Variants in OXR1 observed in about 807,000 individuals in gnomAD.
OXR1 encodes the protein oxidation resistance 1.
OXR1 carries 41 observed loss-of-function variants against 104.6 expected under a neutral mutation model. That is an observed-to-expected ratio of 0.39 (90% CI 0.31 to 0.51). The LOEUF is 0.51. Among genes scored for constraint, OXR1 ranks in the 20% least tolerant of loss-of-function variants. OXR1 has a pLI of 0.77. For missense variants in OXR1, 955 were observed against 1,031.9 expected (o/e 0.93, Z 1.02); for synonymous variants, 348 against 348.4 (o/e 1.00, Z 0.01).
intron 3 of OXR1, chr8:106,657,754 A>T: frequency 1.0e-6 from 1 of 1,003,152 alleles, no homozygotes; most frequent in Non-Finnish European, 1.3e-6. Flanking sequence ...GCCACAAGAA[A>T]AACTTTTCGA....
At chr8:106,676,251 G>C (rs1827578500) in intron 3 of OXR1, among the ~76,000 whole-genome samples, 2 of 151,892 alleles carry the variant, frequency 1.3e-5, no homozygotes, top group Non-Finnish European at 1.5e-5. Flanking sequence ...CAATGTTCTT[G>C]GTGTCTTATC....
chr8:106,618,078 A>G, intron 3 of OXR1: 1 of 1,535,570 alleles, frequency 6.5e-7, no homozygotes, highest in Middle Eastern at 1.7e-4. Flanking sequence ...TATTACCCTG[A>G]GAAGCACAGG....
chr8:106,601,178 T>G lies in OXR1; in HGVS notation c.221-78032T>G, dbSNP rs867332856. On this transcript the variant is annotated intron_variant, in intron 3 of 16. Transcript: ENST00000517566. Reference sequence around the variant, plus strand: ...ACTAACATATATTCAGTGTAGAAATTTGAGAAAATACCCAAAAAAGTTAAA... The same window carrying G: ...ACTAACATATATTCAGTGTAGAAATGTGAGAAAATACCCAAAAAAGTTAAA... Among the ~76,000 whole-genome samples the G allele has an allele frequency of 5.3e-5, 8 of 152,194 alleles. No homozygotes were observed. In the South Asian group the frequency reaches 1.5e-3, roughly 28 times the overall value.
At chr8:106,620,468 T>C (rs917017884) in intron 3 of OXR1, among the ~76,000 whole-genome samples, 4 of 152,204 alleles carry the variant, frequency 2.6e-5, no homozygotes, top group Admixed American at 2.0e-4. Context: ...TCTTCTTTTT[T>C]CCTTACGTGG....
intron 2 of OXR1, among the ~76,000 whole-genome samples, chr8:106,480,206 G>T (rs1354115941): frequency 6.6e-6 from 1 of 152,012 alleles, no homozygotes; most frequent in Admixed American, 6.6e-5. Context: ...AACCTTGAAA[G>T]ATCAACTGAT....
Position 106,706,739 on chromosome 8 carries a change from G to A in OXR1, c.1218G>A (p.Gly406=), listed in dbSNP as rs760895839. The change falls in exon 9 of 17, where the codon GGG becomes GGA. Residue 406 remains glycine, a synonymous_variant. Transcript: ENST00000517566. ...CTGAACATTCTACAAATGAAGTTGGGACTTTATGTCATAAAACTGATTTAA... is the reference window on the plus strand; with the variant it reads ...CTGAACATTCTACAAATGAAGTTGGAACTTTATGTCATAAAACTGATTTAA... ...SDTEHSTNEV[G]TLCHKTDLNN... 6.2e-6 allele frequency: 10 copies of A among 1,611,770 alleles called. No individual in the cohort carries two copies. The highest frequency in any genetic ancestry group is 8.5e-6 in the Non-Finnish European group (10 of 1,179,432).
intron 3 of OXR1, among the ~76,000 whole-genome samples, chr8:106,637,173 G>A (rs941827713): frequency 1.3e-5 from 2 of 152,096 alleles, no homozygotes; most frequent in African/African-American, 2.4e-5. Context: ...AAAATAATTT[G>A]TTGTTTCTCC....
chr8:106,536,505 G>T (rs1814550186), intron 3 of OXR1, among the ~76,000 whole-genome samples: 1 of 151,870 alleles, frequency 6.6e-6, no homozygotes, highest in South Asian at 2.1e-4. Context: ...GTTGCCAAAG[G>T]GAAATTGCTA....
intron 2 of OXR1, among the ~76,000 whole-genome samples, chr8:106,392,490 G>A (rs1817623136): frequency 6.6e-6 from 1 of 152,118 alleles, no homozygotes. Context: ...GGTCACAGAG[G>A]TAGAGACATG....
At chr8:106,376,322 A>G (rs1304073539) in intron 2 of OXR1, among the ~76,000 whole-genome samples, 1 of 152,152 alleles carries the variant, frequency 6.6e-6, no homozygotes. Flanking sequence ...TGCCCTTTCT[A>G]ACTGTCCCTT....
At chr8:106,470,698 A>T (rs1389276766) in intron 2 of OXR1, among the ~76,000 whole-genome samples, 1 of 151,378 alleles carries the variant, frequency 6.6e-6, no homozygotes, top group Non-Finnish European at 1.5e-5. Context: ...AGAGAAGGCC[A>T]AAGATTGCTC....
intron 1 of OXR1, among the ~76,000 whole-genome samples, chr8:106,347,985 A>ATGAAGGGAAC (rs1815567753): frequency 1.3e-5 from 2 of 152,222 alleles, no homozygotes; most frequent in African/African-American, 4.8e-5. Flanking sequence ...GAGTACATAT[A>ATGAAGGGAAC]TGAAGGGAAC....
chr8:106,283,025 A>G (rs1197882283), intron 1 of OXR1, among the ~76,000 whole-genome samples: 1 of 152,214 alleles, frequency 6.6e-6, no homozygotes, highest in Non-Finnish European at 1.5e-5. Context: ...GATTCCTCCC[A>G]GTAGTAAGTT....
intron 2 of OXR1, among the ~76,000 whole-genome samples, chr8:106,498,322 TAAATCCCAAAACCATTTTGCTTTGC>T (rs1281834677): frequency 6.6e-6 from 1 of 152,192 alleles, no homozygotes; most frequent in African/African-American, 2.4e-5. Flanking sequence ...CCTTTAAACA[TAAATCCCAAAACCATTTTGCTTTGC>T]AAATAAATCA....
chr8:106,533,713 T>A (rs1814261087), intron 3 of OXR1, among the ~76,000 whole-genome samples: 1 of 55,566 alleles, frequency 1.8e-5, no homozygotes, highest in Non-Finnish European at 6.1e-5. Flanking sequence ...TTGAGTTTAC[T>A]TTTTTTTTTT....
intron 16 of OXR1, 43 bp from the exon 17 acceptor site, chr8:106,750,756 TTTATAAC>T (rs1563773930): frequency 7.3e-7 from 1 of 1,364,430 alleles, no homozygotes; most frequent in Admixed American, 2.2e-5. Flanking sequence ...TTTAAATTGT[TTTATAAC>T]TTAAGGCATA....
At chr8:106,523,112 G>C (rs565832485) in intron 3 of OXR1, among the ~76,000 whole-genome samples, 3 of 152,304 alleles carry the variant, frequency 2.0e-5, no homozygotes, top group Admixed American at 6.5e-5. Flanking sequence ...ACCACTCTCA[G>C]CTCCTAGGGG....
intron 11 of OXR1, among the ~76,000 whole-genome samples, chr8:106,721,968 G>T (rs1832859279): frequency 1.3e-5 from 2 of 152,102 alleles, no homozygotes. Context: ...TTATGGTCAG[G>T]ATCATTCATT....
chr8:106,316,064 T>TA (rs1813921759), intron 1 of OXR1, among the ~76,000 whole-genome samples: 1 of 152,304 alleles, frequency 6.6e-6, no homozygotes, highest in South Asian at 2.1e-4. Flanking sequence ...TTTTGTCAAA[T>TA]AAAAAACTGT....
Sources: gnomAD v4.1 joint callset for allele counts (sites outside exome capture counted in the v4.1 genomes callset) on GRCh38, gnomAD v4.1.1 for gene constraint, MANE v1.5 for transcripts, NCBI Gene and HGNC (gene_info 2026-07-23, HGNC 2026-07-21) for gene names.